PCDH15: variants seen among roughly 807,000 people sequenced by gnomAD.
PCDH15 encodes protocadherin related 15, also known as protocadherin-15.
Under a neutral mutation model 178.5 loss-of-function variants are expected in PCDH15, and 129 were observed. The observed-to-expected ratio is 0.72, with a 90% confidence interval of 0.63 to 0.84. The LOEUF is 0.84. PCDH15 is among the 40% of genes least tolerant of loss of function. The pLI is 0.00. For missense variants in PCDH15, 2,230 were observed against 2,099.9 expected (o/e 1.06, Z -1.21); for synonymous variants, 800 against 732.0 (o/e 1.09, Z -1.50).
At chr10:55,624,345 T>C (rs1404427288) in intron 2 of PCDH15, among the ~76,000 whole-genome samples, 1 of 151,912 alleles carries the variant, frequency 6.6e-6, no homozygotes. Context: ...TTCACATTAT[T>C]CCATTACATG....
At chr10:53,840,549 A>T in intron 28 of PCDH15, 53 bp from the exon 29 acceptor site, 1 of 1,500,604 alleles carries the variant, frequency 6.7e-7, no homozygotes, top group Admixed American at 1.7e-5. Context: ...TTCTGGGAGT[A>T]AAAAATTACT....
At chr10:54,218,570 T>A (rs2052374528) in intron 9 of PCDH15, among the ~76,000 whole-genome samples, 1 of 152,198 alleles carries the variant, frequency 6.6e-6, no homozygotes, top group Admixed American at 6.5e-5. Context: ...GGAAAGGCCA[T>A]GTGAAGACAC....
chr10:55,067,103 A>T (rs1013057435), intron 2 of PCDH15, among the ~76,000 whole-genome samples: 7 of 151,998 alleles, frequency 4.6e-5, no homozygotes, highest in African/African-American at 1.7e-4. Context: ...CCATGTGAGG[A>T]TATAATAAAA....
intron 2 of PCDH15, among the ~76,000 whole-genome samples, chr10:54,951,640 T>G (rs1403624376): frequency 2.0e-5 from 3 of 152,052 alleles, no homozygotes; most frequent in Non-Finnish European, 2.9e-5. Context: ...ACTGTCAAAC[T>G]GTCTTTTAAA....
chr10:54,477,130 A>AT (rs2078331711), intron 3 of PCDH15, among the ~76,000 whole-genome samples: 1 of 152,122 alleles, frequency 6.6e-6, no homozygotes, highest in Non-Finnish European at 1.5e-5. Flanking sequence ...GAGGCTCTTC[A>AT]TGGTTCAGCT....
intron 3 of PCDH15, among the ~76,000 whole-genome samples, chr10:54,518,676 A>G (rs892714679): frequency 1.3e-5 from 2 of 152,214 alleles, no homozygotes; most frequent in African/African-American, 4.8e-5. Context: ...ATTCCAATCA[A>G]TAGAAAAAGA....
intron 1 of PCDH15, among the ~76,000 whole-genome samples, chr10:55,206,009 A>C (rs1840389066): frequency 1.3e-5 from 2 of 151,942 alleles, no homozygotes; most frequent in Admixed American, 6.6e-5. Context: ...AGCATGAGAA[A>C]GACCCACCCC....
intron 2 of PCDH15, among the ~76,000 whole-genome samples, chr10:55,481,735 A>G (rs998116154): frequency 2.6e-5 from 4 of 151,750 alleles, no homozygotes; most frequent in Non-Finnish European, 4.4e-5. Flanking sequence ...GCATTTGCTG[A>G]GGAGTGTTTT....
chr10:54,034,387 C>A (rs901763870), intron 18 of PCDH15, among the ~76,000 whole-genome samples: 6 of 151,886 alleles, frequency 4.0e-5, no homozygotes, highest in African/African-American at 1.4e-4. Context: ...TTTATCATCA[C>A]TCATTCCTTG....
chr10:55,310,613 C>A (rs1843561981), intron 1 of PCDH15, among the ~76,000 whole-genome samples: 1 of 152,036 alleles, frequency 6.6e-6, no homozygotes, highest in Non-Finnish European at 1.5e-5. Flanking sequence ...AGACTATTAG[C>A]TTACATAATT....
chr10:55,527,498 T>G (rs997630588), intron 2 of PCDH15, among the ~76,000 whole-genome samples: 1 of 152,054 alleles, frequency 6.6e-6, no homozygotes, highest in African/African-American at 2.4e-5. Flanking sequence ...TGACTTCATC[T>G]TAAGGAATTA....
intron 9 of PCDH15, among the ~76,000 whole-genome samples, chr10:54,225,850 G>T (rs1036595056): frequency 1.6e-4 from 24 of 152,126 alleles, no homozygotes; most frequent in Non-Finnish European, 2.9e-4. Flanking sequence ...CTTAGCTAAT[G>T]CTTTATATAC....
intron 25 of PCDH15, among the ~76,000 whole-genome samples, chr10:53,916,923 T>C (rs2083573003): frequency 8.9e-6 from 1 of 112,562 alleles, no homozygotes; most frequent in Non-Finnish European, 1.8e-5. Flanking sequence ...GTAACATTAT[T>C]ACTAATACCA....
chr10:54,296,144 CAAAAA>C (rs59721161), intron 8 of PCDH15, among the ~76,000 whole-genome samples: 63 of 48,228 alleles, frequency 1.3e-3, no homozygotes, highest in African/African-American at 1.6e-3. Flanking sequence ...GACTCCGTCT[CAAAAA>C]AAAAAAAAAA....
chr10:54,556,178 T>G (rs1031924930), intron 2 of PCDH15, among the ~76,000 whole-genome samples: 4 of 152,214 alleles, frequency 2.6e-5, no homozygotes, highest in Admixed American at 2.6e-4. Flanking sequence ...CCATGCTACC[T>G]GAGATTATGT....
chr10:55,431,634 C>A (rs1256075348), intron 2 of PCDH15, among the ~76,000 whole-genome samples: 1 of 152,190 alleles, frequency 6.6e-6, no homozygotes, highest in Non-Finnish European at 1.5e-5. Context: ...CCAAGCAAAT[C>A]TCTTAAGACA....
chr10:54,635,846 C>T (rs894349720), intron 2 of PCDH15, among the ~76,000 whole-genome samples: 2 of 151,712 alleles, frequency 1.3e-5, no homozygotes, highest in Admixed American at 6.6e-5. Context: ...GTGACCTCCA[C>T]GAGTTCACTT....
intron 2 of PCDH15, among the ~76,000 whole-genome samples, chr10:55,374,954 G>A (rs1845585147): frequency 1.3e-5 from 1 of 77,182 alleles, no homozygotes; most frequent in South Asian, 3.6e-4. Flanking sequence ...CATTTACTAT[G>A]ATGAATCTTG....
chr10:55,464,491 G>T (rs1839786026), intron 2 of PCDH15, among the ~76,000 whole-genome samples: 1 of 151,850 alleles, frequency 6.6e-6, no homozygotes, highest in Non-Finnish European at 1.5e-5. Flanking sequence ...CCACCGAGGA[G>T]GTTTTAGCAC....
Sources: allele counts gnomAD v4.1 joint callset (sites outside exome capture counted in the v4.1 genomes callset), GRCh38; gene constraint gnomAD v4.1.1; transcripts MANE v1.5; gene names NCBI Gene and HGNC (gene_info 2026-07-23, HGNC 2026-07-21).